AFAP1: variants seen among roughly 807,000 people sequenced by gnomAD.
AFAP1 encodes the protein actin filament-associated protein 1.
In AFAP1, 75 loss-of-function variants were observed where a neutral mutation model predicts 93.9. The observed-to-expected ratio is 0.80, with a 90% CI of 0.66 to 0.97. AFAP1 has a LOEUF of 0.97. Ranked by LOEUF, AFAP1 falls within the 50% of genes least tolerant of loss-of-function variation. AFAP1 has a pLI of 0.00. For missense variants in AFAP1, 1,201 were observed against 1,050.8 expected (o/e 1.14, Z -1.98); for synonymous variants, 517 against 430.7 (o/e 1.20, Z -2.48).
intron 11 of AFAP1, among the ~76,000 whole-genome samples, chr4:7,790,535 C>T (rs905856153): frequency 2.0e-5 from 3 of 152,026 alleles, no homozygotes; most frequent in Middle Eastern, 3.2e-3. Context: ...TACATGTGGA[C>T]GTAGGATAGG....
At chr4:7,828,436 C>T (rs1053712278) in intron 6 of AFAP1, among the ~76,000 whole-genome samples, 1 of 152,184 alleles carries the variant, frequency 6.6e-6, no homozygotes, top group East Asian at 1.9e-4. Context: ...TCAGCAGACA[C>T]AGGAAGAGTC....
At chr4:7,775,199 G>GC (rs1715974943) in intron 14 of AFAP1, 1 of 298,438 alleles carries the variant, frequency 3.4e-6, no homozygotes, top group African/African-American at 2.2e-5. Context: ...TGTTGAATCA[G>GC]CCAACTCAGT....
intron 6 of AFAP1, among the ~76,000 whole-genome samples, chr4:7,832,910 C>T (rs1237386214): frequency 6.6e-6 from 1 of 152,138 alleles, no homozygotes; most frequent in Non-Finnish European, 1.5e-5. Context: ...GGAAAAGACA[C>T]CCTTTTCAAC....
intron 1 of AFAP1, among the ~76,000 whole-genome samples, chr4:7,892,095 T>C (rs1220078877): frequency 6.6e-6 from 1 of 152,154 alleles, no homozygotes. Flanking sequence ...ATGTTCACTT[T>C]ATGGGTGAAG....
chr4:7,920,403 TG>T (rs1369081097), intron 1 of AFAP1, among the ~76,000 whole-genome samples: 2 of 152,234 alleles, frequency 1.3e-5, no homozygotes, highest in Admixed American at 6.5e-5. Flanking sequence ...GCTAACTTTT[TG>T]GATAAAATTT....
chr4:7,869,017 G>T (rs1439588152), intron 2 of AFAP1, among the ~76,000 whole-genome samples: 1 of 140,742 alleles, frequency 7.1e-6, no homozygotes, highest in Non-Finnish European at 1.5e-5. Context: ...AAGGGAAAGG[G>T]AAAGGGAAAG....
chr4:7,802,306 C>A lies in AFAP1; in HGVS notation c.1055-1653G>T, dbSNP rs116689147. ...CAGGCTGAGGCTCCAAGGCCTGTGCCGTGGCCGCCCTCTTGTGTTCAGAGA... is the reference window on the plus strand; with the variant it reads ...CAGGCTGAGGCTCCAAGGCCTGTGCAGTGGCCGCCCTCTTGTGTTCAGAGA... On this transcript the variant is annotated intron_variant, in intron 9 of 17. Coordinates refer to ENST00000420658, the MANE Select transcript of AFAP1 (RefSeq NM_001134647.2). Among the ~76,000 whole-genome samples the A allele has an allele frequency of 3.9e-5, 6 of 152,320 alleles. No homozygotes were observed. In the East Asian group the frequency reaches 1.2e-3, roughly 29 times the overall value.
At chr4:7,835,897 G>A (rs973295390) in intron 6 of AFAP1, among the ~76,000 whole-genome samples, 4 of 152,126 alleles carry the variant, frequency 2.6e-5, no homozygotes, top group African/African-American at 9.7e-5. Context: ...AGGTTACCTG[G>A]GTGGCTGAAA....
rs550107699 is a variant in AFAP1 at position 7,775,000 on chromosome 4, G to C, written c.1898-97C>G. ...CCACAAAAAATACAAAATTAGCCAG[G>C]CATGGCGGCACATGCCTATAGTCCC... On this transcript the variant is annotated intron_variant, in intron 14 of 17. Transcript: ENST00000420658. The C allele has an allele frequency of 6.6e-5, 95 of 1,438,430 alleles. 1 individual carries two copies. In the African/African-American group the frequency reaches 1.2e-3, roughly 19 times the overall value. The allele number at this position is 1,438,430 out of a possible 1,614,324, so 89.1% of individuals were successfully genotyped here. A position where few individuals can be genotyped will look rare whatever the true frequency, so the allele number is the denominator to read the frequency against.
At chr4:7,917,483 T>G (rs559402442) in intron 1 of AFAP1, among the ~76,000 whole-genome samples, 1 of 152,118 alleles carries the variant, frequency 6.6e-6, no homozygotes, top group African/African-American at 2.4e-5. Context: ...TCCATATCAT[T>G]TGAACTATTT....
intron 4 of AFAP1, among the ~76,000 whole-genome samples, chr4:7,850,696 G>A (rs1318704408): frequency 1.3e-5 from 2 of 152,240 alleles, no homozygotes; most frequent in East Asian, 1.9e-4. Flanking sequence ...TGCGCACCCT[G>A]CTGGTGTGGG....
At chr4:7,820,888 G>A (rs1304690132) in intron 6 of AFAP1, among the ~76,000 whole-genome samples, 1 of 152,158 alleles carries the variant, frequency 6.6e-6, no homozygotes, top group Non-Finnish European at 1.5e-5. Context: ...GGAGGCTGAG[G>A]TGGGCGGATC....
chr4:7,864,164 C>CACATTCCCAACTTCCCATCACAACACATT (rs1314891559), intron 3 of AFAP1, among the ~76,000 whole-genome samples: 25 of 151,912 alleles, frequency 1.6e-4, no homozygotes, highest in African/African-American at 2.4e-4. Flanking sequence ...CTCATCACAA[C>CACATTCCCAACTTCCCATCACAACACATT]CCACAGGTCC....
At chr4:7,875,892 G>A (rs1717472096) in intron 1 of AFAP1, among the ~76,000 whole-genome samples, 1 of 152,124 alleles carries the variant, frequency 6.6e-6, no homozygotes, top group Non-Finnish European at 1.5e-5. Flanking sequence ...CATAGAGGCA[G>A]AAAGTAGAAC....
chr4:7,928,853 C>G (rs1213031976), intron 1 of AFAP1, among the ~76,000 whole-genome samples: 2 of 152,222 alleles, frequency 1.3e-5, no homozygotes, highest in Non-Finnish European at 2.9e-5. Context: ...ATGAGGGGCA[C>G]AGAGAAAGAC....
At chr4:7,819,668 G>C (rs550400685) in intron 6 of AFAP1, among the ~76,000 whole-genome samples, 15 of 152,142 alleles carry the variant, frequency 9.9e-5, no homozygotes, top group Non-Finnish European at 1.9e-4. Context: ...TGAAGAGTTG[G>C]GAATAACCCG....
chr4:7,768,299 G>A (rs9790478), intron 17 of AFAP1, among the ~76,000 whole-genome samples: 16,131 of 152,294 alleles, frequency 0.11, 1,144 homozygotes, highest in East Asian at 0.28. Context: ...AGGTTTCAAA[G>A]GTTAGCATCA....
intron 1 of AFAP1, among the ~76,000 whole-genome samples, chr4:7,933,225 AG>A (rs1384928598): frequency 6.6e-6 from 1 of 151,908 alleles, no homozygotes; most frequent in East Asian, 1.9e-4. Flanking sequence ...CACAGGCCTT[AG>A]GAAGAGTATC....
chr4:7,780,643 CTTTT>C (rs78947393), intron 13 of AFAP1, among the ~76,000 whole-genome samples: 1 of 142,546 alleles, frequency 7.0e-6, no homozygotes, highest in Admixed American at 7.0e-5. Flanking sequence ...GAGACTTCAT[CTTTT>C]TTTTTTTTTT....
Sources: gnomAD v4.1 joint callset for allele counts (sites outside exome capture counted in the v4.1 genomes callset) on GRCh38, gnomAD v4.1.1 for gene constraint, MANE v1.5 for transcripts, NCBI Gene and HGNC (gene_info 2026-07-23, HGNC 2026-07-21) for gene names.